Variants in GLI2 observed in about 807,000 individuals in gnomAD.
GLI2 encodes the protein transcription activator GLI2.
In GLI2, 22 loss-of-function variants were observed where a neutral mutation model predicts 78.9. The observed-to-expected ratio is 0.28, with a 90% CI of 0.20 to 0.40. The LOEUF (loss-of-function observed/expected upper bound fraction) is 0.40. Among genes scored for constraint, GLI2 ranks in the 10% least tolerant of loss-of-function variants. The probability of loss-of-function intolerance (pLI) is 1.00; values close to 1 mark genes in which losing one functional copy is unlikely to be tolerated. For missense variants in GLI2, 2,097 were observed against 2,213.2 expected, an observed-to-expected ratio of 0.95 and a Z score of 1.05; for synonymous variants, 974 against 963.7, an observed-to-expected ratio of 1.01 and a Z score of -0.20.
chr2:120,953,831 A>G (rs2104959119), intron 4 of GLI2, among the ~76,000 whole-genome samples: 1 of 152,300 alleles, frequency 6.6e-6, no homozygotes, highest in East Asian at 1.9e-4. Flanking sequence ...AGCCTGGGCA[A>G]CAGAGTGAGA....
intron 2 of GLI2, among the ~76,000 whole-genome samples, chr2:120,886,361 G>A (rs1301401481): frequency 6.6e-6 from 1 of 151,982 alleles, no homozygotes; most frequent in African/African-American, 2.4e-5. Context: ...GTCCTGCTGG[G>A]CTTAAGCGAT....
intron 1 of GLI2, among the ~76,000 whole-genome samples, chr2:120,787,352 G>A (rs1242956031): frequency 1.3e-5 from 2 of 152,176 alleles, no homozygotes; most frequent in Non-Finnish European, 1.5e-5. Context: ...ATGGTCCTTC[G>A]TCCCCTCTCA....
intron 3 of GLI2, among the ~76,000 whole-genome samples, chr2:120,930,987 A>C (rs752063147): frequency 1.4e-4 from 22 of 152,384 alleles, no homozygotes; most frequent in Admixed American, 2.6e-4. Context: ...GGAGTGGCCC[A>C]GCCAGAGGCC....
chr2:120,951,428 G>A lies in GLI2; in HGVS notation c.440G>A (p.Gly147Asp). ...PTLSMISAARGLSPADVAQEH... is the reference protein window; with the variant it reads ...PTLSMISAARDLSPADVAQEH... ...CTCTCCATGATCTCTGCAGCCAGGGGCCTCAGCCCCGCTGATGGTGAGTAG... is the reference window on the plus strand; with the variant it reads ...CTCTCCATGATCTCTGCAGCCAGGGACCTCAGCCCCGCTGATGGTGAGTAG... Residue 147 changes from glycine to aspartate, a missense_variant, in exon 4 of 14, where the codon GGC becomes GAC. Coordinates refer to ENST00000361492, the MANE Select transcript of GLI2 (RefSeq NM_001374353.1). The A allele has an allele frequency of 6.2e-7, 1 of 1,611,908 alleles. No individual in the cohort carries two copies. Among genetic ancestry groups the A allele is most frequent in the Non-Finnish European group, 8.5e-7 (1 of 1,178,346 alleles).
intron 3 of GLI2, among the ~76,000 whole-genome samples, chr2:120,940,116 G>C (rs1225898202): frequency 6.6e-6 from 1 of 152,140 alleles, no homozygotes; most frequent in Non-Finnish European, 1.5e-5. Flanking sequence ...TTTCTATGAG[G>C]TCGTCTTTTT....
intron 2 of GLI2, among the ~76,000 whole-genome samples, chr2:120,860,251 G>A (rs148598296): frequency 9.3e-4 from 141 of 152,278 alleles, no homozygotes; most frequent in African/African-American, 3.2e-3. Flanking sequence ...AAGGTCAAGC[G>A]GTCAGTACCA....
At chr2:120,782,236 C>G (rs1683870173) in intron 1 of GLI2, among the ~76,000 whole-genome samples, 1 of 152,142 alleles carries the variant, frequency 6.6e-6, no homozygotes, top group Non-Finnish European at 1.5e-5. Flanking sequence ...TTTCTTCTTA[C>G]CTGTGACAGT....
intron 2 of GLI2, among the ~76,000 whole-genome samples, chr2:120,867,713 C>A (rs1688214383): frequency 6.6e-6 from 1 of 152,242 alleles, no homozygotes; most frequent in African/African-American, 2.4e-5. Flanking sequence ...CACGTCCCTT[C>A]CCCTTGTCTG....
At chr2:120,740,889 T>C (rs1382023058) in intron 1 of GLI2, among the ~76,000 whole-genome samples, 1 of 152,216 alleles carries the variant, frequency 6.6e-6, no homozygotes, top group Non-Finnish European at 1.5e-5. Context: ...GTGGCCCGGC[T>C]GCAGGCTGAG....
chr2:120,785,824 G>A (rs961623265), intron 1 of GLI2, among the ~76,000 whole-genome samples: 1 of 152,214 alleles, frequency 6.6e-6, no homozygotes, highest in South Asian at 2.1e-4. Context: ...CACACCCAGA[G>A]TTGCACTGCC....
chr2:120,888,048 A>G (rs1677501541), intron 2 of GLI2, among the ~76,000 whole-genome samples: 1 of 152,162 alleles, frequency 6.6e-6, no homozygotes, highest in Admixed American at 6.5e-5. Context: ...AGTTTGCCAA[A>G]GTGATTTGGA....
intron 2 of GLI2, among the ~76,000 whole-genome samples, chr2:120,845,633 G>A (rs1205950013): frequency 6.6e-6 from 1 of 152,182 alleles, no homozygotes; most frequent in Admixed American, 6.5e-5. Context: ...GGGAGCCCCG[G>A]TCAGCTTCTT....
At position 120,858,874 on chromosome 2, in the gene GLI2, T is replaced by C. The variant is rs562945127; in HGVS notation, c.148+61406T>C. ...ATTATCTCATTTGGAAAGTGTTTCT[T>C]AATGTAGGGCAGACTCTATCCCCAG... On this transcript the variant is annotated intron_variant, in intron 2 of 13. Transcript: ENST00000361492. Among the ~76,000 whole-genome samples the C allele has an allele frequency of 1.1e-3, 173 of 152,330 alleles. 2 individuals carry two copies. Among genetic ancestry groups the C allele is most frequent in the South Asian group, 2.1e-3 (10 of 4,824 alleles).
In GLI2 at chr2:120,983,571, G is replaced by C. The variant is rs957789407; in HGVS notation, c.1632+691G>C. 5.2e-4 allele frequency among the ~76,000 whole-genome samples: 79 copies of C among 152,306 alleles called. 1 individual carries two copies. Among genetic ancestry groups the C allele is most frequent in the African/African-American group, 1.9e-3 (78 of 41,562 alleles). On this transcript the variant is annotated intron_variant, in intron 11 of 13. Transcript: ENST00000361492. ...GTGACATGCTCCAGCTGTTAGCGCT[G>C]CCTGGGCCTGCCGTGGCTGTCAGCC...
At chr2:120,821,716 C>T (rs1268744418) in intron 2 of GLI2, among the ~76,000 whole-genome samples, 2 of 152,206 alleles carry the variant, frequency 1.3e-5, no homozygotes, top group African/African-American at 2.4e-5. Flanking sequence ...CTCAGAAAGA[C>T]CCTCTTTTCC....
At chr2:120,951,105 C>G in intron 3 of GLI2, 138 bp from the exon 4 acceptor site, 1 of 725,076 alleles carries the variant, frequency 1.4e-6, no homozygotes, top group Non-Finnish European at 2.6e-6. Flanking sequence ...AGGGGAATGT[C>G]GGTGTAGCAA....
intron 2 of GLI2, among the ~76,000 whole-genome samples, chr2:120,798,642 C>G (rs978250672): frequency 6.6e-6 from 1 of 152,304 alleles, no homozygotes; most frequent in South Asian, 2.1e-4. Context: ...CTGAGCTGGA[C>G]GATGCCTCTC....
At chr2:120,905,563 C>T (rs1312441652) in intron 2 of GLI2, among the ~76,000 whole-genome samples, 1 of 152,188 alleles carries the variant, frequency 6.6e-6, no homozygotes, top group Non-Finnish European at 1.5e-5. Flanking sequence ...TTTCCAGACG[C>T]TCAGAGCCTG....
At chr2:120,956,989 C>A (rs1300356996) in intron 5 of GLI2, among the ~76,000 whole-genome samples, 1 of 152,216 alleles carries the variant, frequency 6.6e-6, no homozygotes, top group East Asian at 1.9e-4. Context: ...CCCCCTCAGT[C>A]ACTGGGACAG....
Sources: allele counts gnomAD v4.1 joint callset (sites outside exome capture counted in the v4.1 genomes callset), GRCh38; gene constraint gnomAD v4.1.1; transcripts MANE v1.5; gene names NCBI Gene and HGNC (gene_info 2026-07-23, HGNC 2026-07-21).